The following NBEAL1 variants were observed in gnomAD, a reference collection of about 807,000 sequenced individuals.
The protein encoded by NBEAL1 is neurobeachin-like protein 1.
Under a neutral mutation model 351.3 loss-of-function variants are expected in NBEAL1, and 273 were observed. That is an observed-to-expected ratio of 0.78 (90% CI 0.70 to 0.86). The LOEUF is 0.86. Among genes scored for constraint, NBEAL1 ranks in the 40% least tolerant of loss-of-function variants. The pLI is 0.00. For synonymous variants in NBEAL1, 1,050 were observed against 1,086.4 expected, an observed-to-expected ratio of 0.97 and a Z score of 0.66; for missense variants, 2,961 against 3,201.3, an observed-to-expected ratio of 0.92 and a Z score of 1.81.
intron 6 of NBEAL1, among the ~76,000 whole-genome samples, chr2:203,058,508 C>T (rs1156893762): frequency 6.6e-6 from 1 of 152,164 alleles, no homozygotes; most frequent in African/African-American, 2.4e-5. Context: ...AGAAGAGGCC[C>T]TACAGCACTG....
intron 36 of NBEAL1, among the ~76,000 whole-genome samples, chr2:203,163,944 C>T (rs2064049378): frequency 6.6e-6 from 1 of 151,828 alleles, no homozygotes; most frequent in South Asian, 2.1e-4. Flanking sequence ...GTCTTTTGCC[C>T]ATTTTTTAAT....
intron 44 of NBEAL1, among the ~76,000 whole-genome samples, chr2:203,187,246 G>A (rs1003108279): frequency 3.3e-5 from 5 of 151,800 alleles, no homozygotes; most frequent in Non-Finnish European, 7.4e-5. Flanking sequence ...TTTGTAGAGA[G>A]TGGGTTTCGC....
chr2:203,080,782 C>T (rs1406969616), intron 8 of NBEAL1, among the ~76,000 whole-genome samples: 1 of 152,142 alleles, frequency 6.6e-6, no homozygotes, highest in Non-Finnish European at 1.5e-5. Flanking sequence ...TGCTTAATCA[C>T]GTTCCAGTAT....
intron 18 of NBEAL1, among the ~76,000 whole-genome samples, chr2:203,118,685 A>G (rs2062755391): frequency 6.7e-6 from 1 of 150,130 alleles, no homozygotes; most frequent in South Asian, 2.1e-4. Context: ...TCTGCCTCCC[A>G]GGTTCAAGCG....
chr2:203,115,813 A>G (rs1034380253), intron 17 of NBEAL1, among the ~76,000 whole-genome samples, 172 bp from the exon 18 acceptor site: 1 of 152,206 alleles, frequency 6.6e-6, no homozygotes, highest in Non-Finnish European at 1.5e-5. Context: ...CAATTTTTGT[A>G]GGTTTTAGAT....
At chr2:203,214,992 A>G (rs917806443) in intron 55 of NBEAL1, among the ~76,000 whole-genome samples, 1 of 152,200 alleles carries the variant, frequency 6.6e-6, no homozygotes, top group African/African-American at 2.4e-5. Context: ...ATTTGGCAAA[A>G]GAAGCATGCC....
chr2:203,214,195 T>C (rs989690578), intron 55 of NBEAL1, among the ~76,000 whole-genome samples: 2 of 152,266 alleles, frequency 1.3e-5, no homozygotes, highest in African/African-American at 4.8e-5. Flanking sequence ...GAAAACTTTG[T>C]AGTTATACTC....
intron 4 of NBEAL1, among the ~76,000 whole-genome samples, chr2:203,053,403 A>G (rs1285207910): frequency 6.6e-6 from 1 of 152,148 alleles, no homozygotes; most frequent in Non-Finnish European, 1.5e-5. Flanking sequence ...TCTTTTGCTC[A>G]TTTTTAAAAA....
chr2:203,218,035 AG>A lies in NBEAL1; in HGVS notation c.*682del, dbSNP rs1419412750. On this transcript the variant is annotated 3_prime_UTR_variant, in exon 56 of 56. Transcript: ENST00000683969. ...ATGTATTTCCTTAATAATATAATTA[AG>A]CAAAAGTGCTAATTGTGATTTTGAC... The A allele has an allele frequency of 1.4e-6, 1 of 706,234 alleles. No homozygotes were observed. The highest frequency in any genetic ancestry group is 1.3e-4 in the East Asian group (1 of 7,580). The allele number at this position is 706,234 out of a possible 1,614,324, so 43.7% of individuals were successfully genotyped here.
chr2:203,063,278 C>G (rs1282458094), intron 6 of NBEAL1, among the ~76,000 whole-genome samples: 1 of 151,574 alleles, frequency 6.6e-6, no homozygotes, highest in Non-Finnish European at 1.5e-5. Flanking sequence ...AGTGTAAGAC[C>G]CCATCTAGAA....
At position 203,068,446 on chromosome 2, in the gene NBEAL1, T is replaced by C. The variant is rs2061629420; in HGVS notation, c.569T>C (p.Leu190Pro). Residue 190 changes from leucine (L) to proline (P), a missense_variant, in exon 7 of 56, where the codon CTC (leucine) becomes CCC (proline). Physicochemically the swap from Leu to Pro is moderately conservative, Grantham distance 98. Transcript: ENST00000683969. ...KSRQKYKPAS[L>P]TVEFVPFFYQ... ...AGACAGAAATATAAACCAGCTTCTC[T>C]CACAGTGGAATTCGTCCCTTTCTTT... 1 of 1,547,342 alleles carries C rather than the reference T, an allele frequency of 6.5e-7. No homozygotes were observed. Among genetic ancestry groups the C allele is most frequent in the Non-Finnish European group, 8.7e-7 (1 of 1,144,112 alleles).
rs780142605 is a variant in NBEAL1 at position 203,062,336 on chromosome 2, A to G, written c.515+4883A>G. The G allele has an allele frequency of 2.0e-6, 1 of 489,992 alleles. No individual in the cohort carries two copies. The highest frequency in any genetic ancestry group is 4.1e-6 in the Non-Finnish European group (1 of 243,514). The allele number at this position is 489,992 out of a possible 1,614,324, so 30.4% of individuals were successfully genotyped here. ...TCTCTATAAGAGTTTCTTCTGGGAA[A>G]AATCCAGCAACGCCCACTCCTGAGG... On this transcript the variant is annotated intron_variant, in intron 6 of 55. Coordinates refer to ENST00000683969, the MANE Select transcript of NBEAL1 (RefSeq NM_001378026.1). The surrounding 1 kb of genome is among the most constrained non-coding windows in gnomAD (Gnocchi z 4.2).
chr2:203,041,734 A>G (rs765628658), intron 2 of NBEAL1, 31 bp from the exon 3 acceptor site: 2 of 1,462,986 alleles, frequency 1.4e-6, no homozygotes, highest in Non-Finnish European at 1.9e-6. Context: ...TGATAGGCAT[A>G]CTTAATATTA....
At chr2:203,199,960 T>G (rs1559059808) in intron 49 of NBEAL1, among the ~76,000 whole-genome samples, 1 of 152,262 alleles carries the variant, frequency 6.6e-6, no homozygotes, top group Non-Finnish European at 1.5e-5. Flanking sequence ...TGTAATTTTA[T>G]TCTACTTTAT....
At chr2:203,064,306 G>A (rs2061546727) in intron 6 of NBEAL1, among the ~76,000 whole-genome samples, 1 of 152,152 alleles carries the variant, frequency 6.6e-6, no homozygotes, top group South Asian at 2.1e-4. Flanking sequence ...ACCTGCCTCA[G>A]CCTCCCAAAG....
In NBEAL1 at chr2:203,122,355, G is replaced by A; in HGVS notation, c.2682+12G>A. The A allele has an allele frequency of 1.4e-6, 2 of 1,455,054 alleles. No individual in the cohort carries two copies. The highest frequency in any genetic ancestry group is 1.9e-6 in the Non-Finnish European group (2 of 1,071,794). The allele number at this position is 1,455,054 out of a possible 1,614,324, so 90.1% of individuals were successfully genotyped here. Reference sequence around the variant, plus strand: ...ACTGGGACATTAAGGTAAATTAATAGTAAATGTTGGGCAACATCTTACATA... The same window carrying A: ...ACTGGGACATTAAGGTAAATTAATAATAAATGTTGGGCAACATCTTACATA... On this transcript the variant is annotated intron_variant, in intron 19 of 55. Coordinates refer to ENST00000683969, the MANE Select transcript of NBEAL1 (RefSeq NM_001378026.1).
intron 38 of NBEAL1, among the ~76,000 whole-genome samples, chr2:203,168,101 CAA>C (rs1370307923): frequency 6.6e-6 from 1 of 152,158 alleles, no homozygotes; most frequent in Non-Finnish European, 1.5e-5. Context: ...TCTAGTTTTA[CAA>C]AAGTCTTTTT....
In NBEAL1 at chr2:203,144,997, AT is replaced by A. The variant is rs747703720; in HGVS notation, c.5155-7del. The A allele has an allele frequency of 3.8e-5, 58 of 1,527,088 alleles. No homozygotes were observed. The East Asian group carries it at 7.5e-4, about 20-fold the overall frequency. 94.6% of individuals were successfully genotyped at this position (1,527,088 alleles called of 1,614,324 possible). On this transcript the variant is annotated splice_polypyrimidine_tract_variant and intron_variant, in intron 32 of 55. Coordinates refer to ENST00000683969, the MANE Select transcript of NBEAL1 (RefSeq NM_001378026.1). ...ATATTAAATTTTATGTATCTTTTTT[AT>A]TTTTTTGGTAAGATTGTACCTTATA...
chr2:203,207,095 T>C (rs1304936503), intron 51 of NBEAL1, among the ~76,000 whole-genome samples: 3 of 143,310 alleles, frequency 2.1e-5, no homozygotes, highest in South Asian at 2.2e-4. Flanking sequence ...GTGAGGAGCG[T>C]CTCTGCCCGG....
Sources: allele counts gnomAD v4.1 joint callset (sites outside exome capture counted in the v4.1 genomes callset), GRCh38; gene constraint gnomAD v4.1.1; non-coding constraint Gnocchi (gnomAD v3.1); transcripts MANE v1.5; gene names NCBI Gene and HGNC (gene_info 2026-07-23, HGNC 2026-07-21).